TTC7A: variants seen among roughly 807,000 people sequenced by gnomAD.
TTC7A encodes tetratricopeptide repeat protein 7A.
A neutral mutation model predicts 103.7 loss-of-function variants in TTC7A; 110 were observed. That is an observed-to-expected ratio of 1.06 (90% confidence interval 0.91 to 1.24). TTC7A has a LOEUF of 1.24. Ranked by LOEUF, TTC7A falls within the 50% of genes most tolerant of loss-of-function variation. The pLI is 0.00. For missense variants in TTC7A, 1,340 were observed against 1,116.3 expected (o/e 1.20, Z -2.86); for synonymous variants, 521 against 467.9 (o/e 1.11, Z -1.47).
chr2:46,987,523 G>C (rs1051473739), intron 5 of TTC7A, among the ~76,000 whole-genome samples: 5 of 152,192 alleles, frequency 3.3e-5, no homozygotes, highest in African/African-American at 1.2e-4. Flanking sequence ...CCCAGAGTGG[G>C]CAAGAGCCCA....
intron 19 of TTC7A, among the ~76,000 whole-genome samples, chr2:47,069,754 A>G (rs1378073280): frequency 6.6e-6 from 1 of 152,166 alleles, no homozygotes; most frequent in Non-Finnish European, 1.5e-5. Context: ...CTGGAATGCC[A>G]GCCTCCCTGG....
intron 8 of TTC7A, among the ~76,000 whole-genome samples, chr2:46,997,558 C>G (rs997157874): frequency 1.7e-4 from 26 of 152,170 alleles, no homozygotes; most frequent in Admixed American, 9.8e-4. Context: ...GGCTGTTGGT[C>G]AAGGTCATAT....
intron 11 of TTC7A, among the ~76,000 whole-genome samples, chr2:47,020,789 C>A (rs1360627851): frequency 6.6e-6 from 1 of 152,248 alleles, no homozygotes; most frequent in Non-Finnish European, 1.5e-5. Context: ...AATCCACTGC[C>A]CCTCTTCCTG....
intron 3 of TTC7A, among the ~76,000 whole-genome samples, chr2:46,957,869 A>T (rs909450920): frequency 6.6e-6 from 1 of 152,182 alleles, no homozygotes; most frequent in Non-Finnish European, 1.5e-5. Context: ...TCTAGAAAAG[A>T]TGCCTGTGGC....
At chr2:46,951,855 G>T in intron 2 of TTC7A, 1 of 348,928 alleles carries the variant, frequency 2.9e-6, no homozygotes, top group Non-Finnish European at 5.6e-6. Context: ...GAGGTTGCAG[G>T]TCTCTTGGGA....
At chr2:47,042,541 T>C (rs1681866734) in intron 15 of TTC7A, among the ~76,000 whole-genome samples, 1 of 152,110 alleles carries the variant, frequency 6.6e-6, no homozygotes, top group Non-Finnish European at 1.5e-5. Context: ...AAAGGGCAGC[T>C]TTTCAGAGCT....
rs924559890 is a variant in TTC7A at position 46,930,493 on chromosome 2, T to C, written c.82+13216T>C. ...AAGAAGAAATGGAAATTTGAAGTCC[T>C]ATAATTTTTTTTTTTTTTTTTTTTA... On this transcript the variant is annotated intron_variant, in intron 2 of 20. Coordinates refer to the TTC7A transcript ENST00000409245. Among the ~76,000 whole-genome samples the C allele has an allele frequency of 2.4e-4, 35 of 146,984 alleles. No homozygotes were observed. The East Asian group carries it at 6.5e-3, about 27-fold the overall frequency.
intron 1 of TTC7A, among the ~76,000 whole-genome samples, chr2:46,948,130 A>G (rs11898458): frequency 0.13 from 19,628 of 152,290 alleles, 1,362 homozygotes; most frequent in African/African-American, 0.16. Flanking sequence ...GCCCAAGGGC[A>G]CGGAGTCCTG....
chr2:47,014,109 G>A (rs951482408), intron 11 of TTC7A, among the ~76,000 whole-genome samples: 16 of 152,176 alleles, frequency 1.1e-4, no homozygotes, highest in Non-Finnish European at 2.1e-4. Context: ...TCGCTGGATG[G>A]ATCCTTCTTG....
chr2:47,052,240 G>A (rs1682920171), intron 18 of TTC7A, among the ~76,000 whole-genome samples: 1 of 152,220 alleles, frequency 6.6e-6, no homozygotes. Flanking sequence ...AGAATTCATT[G>A]AAGATGGAGG....
chr2:46,939,169 T>G (rs980393397), upstream of TTC7A, among the ~76,000 whole-genome samples: 3 of 152,156 alleles, frequency 2.0e-5, no homozygotes, highest in African/African-American at 7.2e-5. Context: ...TTACTGATAC[T>G]CTACAGGAGC....
chr2:46,928,411 T>C (rs1669512439), intron 2 of TTC7A, among the ~76,000 whole-genome samples: 1 of 146,516 alleles, frequency 6.8e-6, no homozygotes, highest in African/African-American at 2.6e-5. Context: ...TAGAATCTCA[T>C]GTGAGGCTCA....
At chr2:47,045,791 G>T (rs1682251707) in intron 15 of TTC7A, among the ~76,000 whole-genome samples, 2 of 152,340 alleles carry the variant, frequency 1.3e-5, no homozygotes, top group Admixed American at 1.3e-4. Context: ...CTGGCAAGGT[G>T]GGAAGTGGAG....
At chr2:47,018,475 T>A (rs1025298436) in intron 11 of TTC7A, among the ~76,000 whole-genome samples, 1 of 151,588 alleles carries the variant, frequency 6.6e-6, no homozygotes, top group Non-Finnish European at 1.5e-5. Flanking sequence ...TTCCAGCTAC[T>A]TGGGAGGCTG....
intron 5 of TTC7A, among the ~76,000 whole-genome samples, chr2:46,991,837 G>A (rs1040591197): frequency 1.3e-5 from 2 of 152,128 alleles, no homozygotes; most frequent in African/African-American, 4.8e-5. Context: ...AGTTTTCAGA[G>A]CACTTGGCAG....
chr2:46,953,693 C>G (rs1283425704), intron 2 of TTC7A, among the ~76,000 whole-genome samples: 3 of 152,186 alleles, frequency 2.0e-5, no homozygotes, highest in East Asian at 3.8e-4. Flanking sequence ...TCAGTGAAAA[C>G]AAGCCACTTG....
intron 8 of TTC7A, among the ~76,000 whole-genome samples, chr2:47,003,556 G>A (rs549113203): frequency 1.1e-4 from 17 of 152,282 alleles, no homozygotes; most frequent in Middle Eastern, 6.8e-3. Flanking sequence ...GTGATGGCTC[G>A]CAGCCCACTA....
At chr2:46,984,073 C>T (rs1008659784) in intron 5 of TTC7A, among the ~76,000 whole-genome samples, 2 of 152,238 alleles carry the variant, frequency 1.3e-5, no homozygotes, top group Admixed American at 1.3e-4. Flanking sequence ...TCCCAGTATT[C>T]CCTGAGGGAA....
intron 19 of TTC7A, chr2:47,067,990 G>A (rs1056117697): frequency 6.6e-6 from 1 of 152,310 alleles, no homozygotes; most frequent in African/African-American, 2.4e-5. Context: ...CAGGACAAGA[G>A]TGCACACAGT....
Sources: gnomAD v4.1 joint callset for allele counts (sites outside exome capture counted in the v4.1 genomes callset) on GRCh38, gnomAD v4.1.1 for gene constraint, MANE v1.5 for transcripts, NCBI Gene and HGNC (gene_info 2026-07-23, HGNC 2026-07-21) for gene names.